The following MGAT4C variants were observed in gnomAD, a reference collection of about 807,000 sequenced individuals.
MGAT4C encodes alpha-1,3-mannosyl-glycoprotein 4-beta-N-acetylglucosaminyltransferase C.
In MGAT4C, 19 loss-of-function variants were observed where a neutral mutation model predicts 40.1. The observed-to-expected ratio is 0.47, with a 90% CI of 0.33 to 0.70. The LOEUF (loss-of-function observed/expected upper bound fraction) is 0.70, where lower values mean the gene tolerates loss of function less well. MGAT4C is among the 30% of genes least tolerant of loss of function. The pLI, the probability that MGAT4C is intolerant of heterozygous loss-of-function variation, is 0.02. For synonymous variants in MGAT4C, 181 were observed against 187.1 expected (o/e 0.97, Z 0.27); for missense variants, 491 against 563.2 (o/e 0.87, Z 1.30).
intron 1 of MGAT4C, among the ~76,000 whole-genome samples, chr12:86,058,543 CA>C (rs1340356371): frequency 6.6e-6 from 1 of 152,026 alleles, no homozygotes. Context: ...TCGACTCATA[CA>C]ATAGTCTTAT....
At chr12:86,200,772 C>T (rs1178622403) in intron 1 of MGAT4C, among the ~76,000 whole-genome samples, 1 of 152,024 alleles carries the variant, frequency 6.6e-6, no homozygotes, top group Non-Finnish European at 1.5e-5. Flanking sequence ...CCTAAAATCC[C>T]CAATGTGACT....
intron 2 of MGAT4C, among the ~76,000 whole-genome samples, chr12:86,042,171 C>T (rs1891922882): frequency 6.6e-6 from 1 of 152,142 alleles, no homozygotes; most frequent in Admixed American, 6.5e-5. Flanking sequence ...GCAGATTTTT[C>T]TCCATCCATT....
At position 86,690,052 on chromosome 12, in the gene MGAT4C, G is replaced by A. The variant is rs530326322; in HGVS notation, c.-229+37157C>T. On this transcript the variant is annotated intron_variant, in intron 2 of 7. Transcript: ENST00000548651. ...CTAGAGAGGCAGTCTGGCTACAGCA[G>A]CTTTGCCTCACTGTGGTAGGTTCCA... is the stretch of plus-strand genomic sequence containing the variant. Among the ~76,000 whole-genome samples the A allele has an allele frequency of 2.6e-5, 4 of 152,296 alleles. No homozygotes were observed. In the South Asian group the frequency reaches 6.2e-4, roughly 24 times the overall value.
chr12:86,784,882 A>G (rs747739379), intron 1 of MGAT4C, among the ~76,000 whole-genome samples: 1 of 151,976 alleles, frequency 6.6e-6, no homozygotes, highest in South Asian at 2.1e-4. Context: ...AACTCAAGCA[A>G]TACAGAGAAA....
intron 1 of MGAT4C, among the ~76,000 whole-genome samples, chr12:86,246,319 G>A (rs1952026765): frequency 6.6e-6 from 1 of 151,720 alleles, no homozygotes; most frequent in Admixed American, 6.6e-5. Context: ...CGGAGTAGCT[G>A]GGACTACAGG....
At chr12:86,755,060 G>C (rs978412386) in intron 1 of MGAT4C, among the ~76,000 whole-genome samples, 11 of 152,124 alleles carry the variant, frequency 7.2e-5, no homozygotes, top group African/African-American at 2.7e-4. Context: ...GTATGTTGCT[G>C]TGAAGGCATT....
rs186130679 is a variant in MGAT4C at position 86,330,704 on chromosome 12, T to C, written c.-57+3361A>G. Among the ~76,000 whole-genome samples the C allele has an allele frequency of 6.9e-4, 105 of 152,324 alleles. 1 individual carries two copies. Among genetic ancestry groups the C allele is most frequent in the African/African-American group, 2.4e-3 (99 of 41,580 alleles). ...CTGATTTCATTCAGTCAACAAAATG[T>C]TTTGATTACTTATTATATTACAGGC... On this transcript the variant is annotated intron_variant, in intron 4 of 7. Transcript: ENST00000548651.
intron 1 of MGAT4C, among the ~76,000 whole-genome samples, chr12:86,110,285 A>AG (rs1565995887): frequency 6.0e-5 from 2 of 33,170 alleles, no homozygotes; most frequent in Non-Finnish European, 1.0e-4. Flanking sequence ...TATAGTCTAT[A>AG]TATATATAGT....
At chr12:86,710,178 G>T (rs1950531992) in intron 2 of MGAT4C, among the ~76,000 whole-genome samples, 2 of 152,172 alleles carry the variant, frequency 1.3e-5, no homozygotes, top group Non-Finnish European at 2.9e-5. Flanking sequence ...CTGAAAGCAA[G>T]ATGTCTGTTT....
chr12:86,246,362 G>T (rs1320256483), intron 1 of MGAT4C, among the ~76,000 whole-genome samples: 1 of 151,642 alleles, frequency 6.6e-6, no homozygotes, highest in Non-Finnish European at 1.5e-5. Flanking sequence ...AGAGTATCCT[G>T]CAACCTTCTA....
In MGAT4C at chr12:86,139,737, A is replaced by C. The variant is rs1436242369; in HGVS notation, c.-56-90014T>G. On this transcript the variant is annotated intron_variant, in intron 1 of 4. Transcript: ENST00000611864. ...TTCTTTAAATAAGAATAGAAAAAAA[A>C]CGGTTCTTTGAGGATATGACTTAAG... Among the ~76,000 whole-genome samples, 44 of 152,212 alleles carry C rather than the reference A, an allele frequency of 2.9e-4. 2 individuals carry two copies. The highest frequency in any genetic ancestry group is 2.9e-3 in the Admixed American group (44 of 15,276).
At chr12:86,345,441 A>G (rs1275691739) in intron 3 of MGAT4C, among the ~76,000 whole-genome samples, 1 of 150,960 alleles carries the variant, frequency 6.6e-6, no homozygotes, top group African/African-American at 2.4e-5. Flanking sequence ...CCACCCCACA[A>G]CAGTCCCTGA....
At position 85,960,920 on chromosome 12, in the gene MGAT4C, TTAAAA is replaced by T. The variant is rs949947851; in HGVS notation, c.*18364_*18368del. ...TTTATTTTATAAAACTACCCTTTAC[TTAAAA>T]TAAATCATTGTATTCACATAACTTT... On this transcript the variant is annotated 3_prime_UTR_variant, in exon 5 of 5. Coordinates refer to ENST00000611864, the MANE Select transcript of MGAT4C (RefSeq NM_001351288.2). 6.6e-6 allele frequency: 1 copy of T among 152,026 alleles called. No homozygotes were observed. The highest frequency in any genetic ancestry group is 1.5e-5 in the Non-Finnish European group (1 of 67,884). The allele number at this position is 152,026 out of a possible 1,614,324, so 9.4% of individuals were successfully genotyped here.
chr12:86,175,484 C>T (rs1468943206), intron 1 of MGAT4C, among the ~76,000 whole-genome samples: 1 of 152,048 alleles, frequency 6.6e-6, no homozygotes. Context: ...TTATTAAATC[C>T]ATTCTTTTGT....
At chr12:86,522,426 C>A (rs1178277629) in intron 2 of MGAT4C, among the ~76,000 whole-genome samples, 1 of 151,982 alleles carries the variant, frequency 6.6e-6, no homozygotes, top group Non-Finnish European at 1.5e-5. Context: ...TATGTTGAAC[C>A]AACTTTGCAT....
chr12:86,662,067 T>C (rs547299521), intron 2 of MGAT4C, among the ~76,000 whole-genome samples: 1 of 152,282 alleles, frequency 6.6e-6, no homozygotes, highest in South Asian at 2.1e-4. Flanking sequence ...AAGAATGGCA[T>C]CTAATCTACT....
At chr12:86,624,389 T>C (rs758068335) in intron 2 of MGAT4C, among the ~76,000 whole-genome samples, 2 of 152,098 alleles carry the variant, frequency 1.3e-5, no homozygotes, top group Non-Finnish European at 2.9e-5. Flanking sequence ...TAAGGCAGAA[T>C]TGTAAACTGC....
chr12:86,296,158 T>A, intron 4 of MGAT4C, among the ~76,000 whole-genome samples: 1 of 147,624 alleles, frequency 6.8e-6, no homozygotes. Flanking sequence ...TTGTTTACAA[T>A]CCCTGAGCTA....
At chr12:86,586,770 T>C (rs1364806643) in intron 2 of MGAT4C, among the ~76,000 whole-genome samples, 1 of 151,894 alleles carries the variant, frequency 6.6e-6, no homozygotes, top group African/African-American at 2.4e-5. Context: ...TGCCTGTTTA[T>C]ATCCTTCGCC....
Sources: gnomAD v4.1 joint callset for allele counts (sites outside exome capture counted in the v4.1 genomes callset) on GRCh38, gnomAD v4.1.1 for gene constraint, MANE v1.5 for transcripts, NCBI Gene and HGNC (gene_info 2026-07-23, HGNC 2026-07-21) for gene names.